Variants in ADGRD1 observed in about 807,000 individuals in gnomAD.
ADGRD1 encodes adhesion G protein-coupled receptor D1, also known as G-protein coupled receptor 133.
In ADGRD1, 77 loss-of-function variants were observed where a neutral mutation model predicts 113.4. The observed-to-expected ratio is 0.68, with a 90% CI of 0.57 to 0.82. The LOEUF (loss-of-function observed/expected upper bound fraction) is 0.82. Ranked by LOEUF, ADGRD1 falls within the 40% of genes least tolerant of loss-of-function variation. The pLI, the probability that ADGRD1 is intolerant of heterozygous loss-of-function variation, is 0.00. For synonymous variants in ADGRD1, 474 were observed against 475.0 expected, an observed-to-expected ratio of 1.00 and a Z score of 0.03; for missense variants, 1,036 against 1,139.1, an observed-to-expected ratio of 0.91 and a Z score of 1.30.
At chr12:131,138,068 A>C in intron 23 of ADGRD1, 69 bp from the exon 24 acceptor site, 1 of 1,308,606 alleles carries the variant, frequency 7.6e-7, no homozygotes, top group East Asian at 2.3e-5. Context: ...TTGCACCGGC[A>C]CAGACTCCTC....
intron 3 of ADGRD1, chr12:130,969,046 C>T: frequency 6.5e-7 from 1 of 1,529,740 alleles, no homozygotes; most frequent in Non-Finnish European, 8.8e-7. Context: ...AATGATTCTG[C>T]CTACTCAAAT....
intron 16 of ADGRD1, 66 bp from the exon 17 acceptor site, chr12:131,105,688 G>A: frequency 1.6e-6 from 2 of 1,278,512 alleles, no homozygotes; most frequent in Non-Finnish European, 2.2e-6. Context: ...CGTGGGGCCA[G>A]GGAGCCCAGC....
intron 13 of ADGRD1, among the ~76,000 whole-genome samples, chr12:131,064,981 A>G (rs1215351392): frequency 1.3e-5 from 2 of 152,204 alleles, no homozygotes; most frequent in Non-Finnish European, 2.9e-5. Context: ...GATGAGCAGC[A>G]CTAGGCAGGC....
At chr12:131,072,209 G>A (rs1370283508) in intron 13 of ADGRD1, among the ~76,000 whole-genome samples, 1 of 152,070 alleles carries the variant, frequency 6.6e-6, no homozygotes, top group African/African-American at 2.4e-5. Flanking sequence ...GGACTCCTGA[G>A]GTTTCGCAGA....
rs957103918 is a variant in ADGRD1, at chr12:131,136,916, T to A, written c.2395-57T>A. 5 of 1,341,366 alleles carry A rather than the reference T, an allele frequency of 3.7e-6. No homozygotes were observed. In the African/African-American group the frequency reaches 7.2e-5, roughly 19 times the overall value. The allele number at this position is 1,341,366 out of a possible 1,614,324, so 83.1% of individuals were successfully genotyped here. ...CAGGCTGCATGGGAGGAACCTCCAG[T>A]GTTCCTAACTACGTGCAAAGGGCTC... On this transcript the variant is annotated intron_variant, in intron 22 of 24. Coordinates refer to ENST00000261654, the MANE Select transcript of ADGRD1 (RefSeq NM_198827.5).
At chr12:131,052,389 G>A (rs1292644579) in intron 13 of ADGRD1, among the ~76,000 whole-genome samples, 1 of 152,192 alleles carries the variant, frequency 6.6e-6, no homozygotes, top group East Asian at 1.9e-4. Context: ...CTTCTCACCT[G>A]TTCCCGAACT....
intron 20 of ADGRD1, among the ~76,000 whole-genome samples, chr12:131,126,959 A>G (rs1950749910): frequency 6.6e-6 from 1 of 152,136 alleles, no homozygotes; most frequent in Non-Finnish European, 1.5e-5. Context: ...ATGAAATGTC[A>G]GATTTGTGCC....
rs538389294 is a variant in ADGRD1, at chr12:131,089,772, C to T, written c.1671+5109C>T. 2.0e-5 allele frequency among the ~76,000 whole-genome samples: 3 copies of T among 152,372 alleles called. No individual in the cohort carries two copies. The Middle Eastern group carries it at 0.01, about 518-fold the overall frequency. ...ACACGAGTGAGGTGCTGTCATGTGG[C>T]CATCACAGACAAGAGTCATAGGTGA... On this transcript the variant is annotated intron_variant, in intron 15 of 24. Transcript: ENST00000261654.
chr12:131,120,828 G>A lies in ADGRD1; in HGVS notation c.2109-19G>A, dbSNP rs773393386. 6.2e-7 allele frequency: 1 copy of A among 1,614,062 alleles called. No homozygotes were observed. Among genetic ancestry groups the A allele is most frequent in the South Asian group, 1.1e-5 (1 of 91,088 alleles). Reference sequence around the variant, plus strand: ...GTGGAACGAGGTTGTTGAAGTAACGGCTCTGCTTCCCTCCGCAGTTGCTGG... The same window carrying A: ...GTGGAACGAGGTTGTTGAAGTAACGACTCTGCTTCCCTCCGCAGTTGCTGG... On this transcript the variant is annotated intron_variant, in intron 19 of 24. Coordinates refer to ENST00000261654, the MANE Select transcript of ADGRD1 (RefSeq NM_198827.5).
chr12:131,109,082 C>A (rs532225798), intron 18 of ADGRD1, among the ~76,000 whole-genome samples: 7 of 152,098 alleles, frequency 4.6e-5, no homozygotes, highest in Non-Finnish European at 1.0e-4. Context: ...TTCTTGGTGC[C>A]TCCTAGAGAC....
chr12:131,068,052 T>C (rs1203272595), intron 13 of ADGRD1, among the ~76,000 whole-genome samples: 2 of 152,124 alleles, frequency 1.3e-5, no homozygotes, highest in Non-Finnish European at 2.9e-5. Context: ...CCCCTGATCC[T>C]TCTGGAGGGA....
At chr12:131,013,367 C>T (rs908939812) in intron 12 of ADGRD1, among the ~76,000 whole-genome samples, 1 of 152,186 alleles carries the variant, frequency 6.6e-6, no homozygotes, top group Admixed American at 6.5e-5. Context: ...ATTCCCTTCT[C>T]AATCAGTCTC....
At chr12:131,105,443 G>C (rs1168250738) in intron 16 of ADGRD1, among the ~76,000 whole-genome samples, 1 of 152,250 alleles carries the variant, frequency 6.6e-6, no homozygotes, top group Non-Finnish European at 1.5e-5. Context: ...CATGGGAACA[G>C]CTATGCAAAG....
In ADGRD1 at chr12:131,003,059, T is replaced by C; in HGVS notation, c.1027-126T>C. The C allele has an allele frequency of 1.3e-6, 1 of 797,030 alleles. No homozygotes were observed. The allele number at this position is 797,030 out of a possible 1,614,324, so 49.4% of individuals were successfully genotyped here. On this transcript the variant is annotated intron_variant, in intron 9 of 24. Transcript: ENST00000261654. This position sits in a 1 kb window ranked among gnomAD's most constrained non-coding sequence, Gnocchi z 4.8. Reference sequence around the variant, plus strand: ...CTCCTGATCCATGGGAAGGGGCAGTTGTGTGACTTCTTCCTCCCTCGTGGC... The same window carrying C: ...CTCCTGATCCATGGGAAGGGGCAGTCGTGTGACTTCTTCCTCCCTCGTGGC...
chr12:130,971,539 ACAGCTCCTGCATCAGCAAGC>A lies in ADGRD1; in HGVS notation c.273_292del (p.Ser91ArgfsTer6). On this transcript the variant is annotated frameshift_variant, in exon 4 of 25. Coordinates refer to ENST00000261654, the MANE Select transcript of ADGRD1 (RefSeq NM_198827.5). LOFTEE classifies it high-confidence loss of function. The surrounding 1 kb of genome is among the most constrained non-coding windows in gnomAD (Gnocchi z 4.2). ...ACGCTTCTCTATTACGGCAGGTACA[ACAGCTCCTGCATCAGCAAGC>A]CAGAGCAGTGTGGCCCTGAAGGTGA... The A allele has an allele frequency of 1.2e-6, 2 of 1,613,372 alleles. No homozygotes were observed. The highest frequency in any genetic ancestry group is 1.7e-6 in the Non-Finnish European group (2 of 1,179,564).
intron 13 of ADGRD1, among the ~76,000 whole-genome samples, chr12:131,029,945 G>A (rs1478094848): frequency 5.0e-5 from 6 of 119,044 alleles, no homozygotes; most frequent in Admixed American, 3.5e-4. Flanking sequence ...TGGACCCCTC[G>A]TTCAGTGACA....
chr12:131,000,851 C>G (rs565373288), intron 9 of ADGRD1, among the ~76,000 whole-genome samples: 1 of 152,004 alleles, frequency 6.6e-6, no homozygotes, highest in South Asian at 2.1e-4. Context: ...CATAATATGG[C>G]CCAGTCACAT....
intron 13 of ADGRD1, among the ~76,000 whole-genome samples, chr12:131,058,211 G>A (rs1214258344): frequency 2.6e-5 from 4 of 152,146 alleles, no homozygotes; most frequent in African/African-American, 4.8e-5. Context: ...CCTCCAGAGG[G>A]CTCAGATTCC....
chr12:131,089,892 A>T (rs993240932), intron 15 of ADGRD1, among the ~76,000 whole-genome samples: 10 of 152,256 alleles, frequency 6.6e-5, no homozygotes, highest in African/African-American at 2.4e-4. Context: ...GCTGCCTGGG[A>T]GCAGAGCCTC....
Sources: allele counts gnomAD v4.1 joint callset (sites outside exome capture counted in the v4.1 genomes callset), GRCh38; gene constraint gnomAD v4.1.1; non-coding constraint Gnocchi (gnomAD v3.1); transcripts MANE v1.5; gene names NCBI Gene and HGNC (gene_info 2026-07-23, HGNC 2026-07-21).